ADPRHL1: variants seen among roughly 807,000 people sequenced by gnomAD.
ADPRHL1 encodes the protein ADP-ribosylhydrolase like 1.
A neutral mutation model predicts 44.1 loss-of-function variants in ADPRHL1; 43 were observed. That is an observed-to-expected ratio of 0.98 (90% CI 0.76 to 1.26). ADPRHL1 has a LOEUF of 1.26. Among genes scored for constraint, ADPRHL1 ranks in the 50% most tolerant of loss-of-function variants. ADPRHL1 has a pLI of 0.00. For missense variants in ADPRHL1, 2,022 were observed against 2,496.9 expected (o/e 0.81, Z 4.05); for synonymous variants, 878 against 1,017.4 (o/e 0.86, Z 2.61).
At chr13:113,437,510 G>C (rs1047285703) in intron 2 of ADPRHL1, among the ~76,000 whole-genome samples, 3 of 152,238 alleles carry the variant, frequency 2.0e-5, no homozygotes, top group African/African-American at 7.2e-5. Context: ...CTGCGACCGT[G>C]CGTGTTACTC....
chr13:113,422,882 G>A lies in ADPRHL1; in HGVS notation c.1005C>T (p.Asp335=). 6.2e-7 allele frequency: 1 copy of A among 1,612,962 alleles called. No individual in the cohort carries two copies. Among genetic ancestry groups the A allele is most frequent in the Non-Finnish European group, 8.5e-7 (1 of 1,179,998 alleles). The change falls in exon 7 of 8, where the codon GAC becomes GAT. Residue 335 remains aspartate, a synonymous_variant. Transcript: ENST00000612156. ...CGCCCAGGTCCTCCAGCTTCTCCTT[G>A]TCCTCCAGGTCCTGGTACAAGCCTT... is the stretch of plus-strand genomic sequence containing the variant. ...VPKGLYQDLE[D]KEKLEDLGAA... is the part of the protein sequence containing the mutation.
intron 4 of ADPRHL1, among the ~76,000 whole-genome samples, chr13:113,426,536 G>C (rs898182917): frequency 5.9e-5 from 9 of 152,382 alleles, no homozygotes; most frequent in African/African-American, 2.2e-4. Flanking sequence ...CCAGGCCACA[G>C]GGAGGCCAGG....
Position 113,453,083 on chromosome 13 carries a change from C to A in ADPRHL1, c.214+141G>T, listed in dbSNP as rs1396360531. ...TTTGAGGGACACTCAGATTAAATTG[C>A]CACTTTTAGCAGCGGTATCAGGTAA... On this transcript the variant is annotated intron_variant, in intron 1 of 7. Transcript: ENST00000612156. This position sits in a 1 kb window ranked among gnomAD's most constrained non-coding sequence, Gnocchi z 5.4. 1.0e-5 allele frequency: 9 copies of A among 859,374 alleles called. No homozygotes were observed. The East Asian group carries it at 1.9e-4, about 18-fold the overall frequency. 53.2% of individuals were successfully genotyped at this position (859,374 alleles called of 1,614,324 possible). A position where few individuals can be genotyped will look rare whatever the true frequency, so the allele number is the denominator to read the frequency against.
Position 113,418,832 on chromosome 13 carries a change from A to T in ADPRHL1, c.1061+3994T>A, listed in dbSNP as rs571226554. On this transcript the variant is annotated intron_variant, in intron 7 of 7. Transcript: ENST00000612156. ...TGCCATCTGGGAGTGAGAGGCACTC[A>T]TCCTCCTGCCTGCCCCTTCCTGGTG... 4.6e-5 allele frequency among the ~76,000 whole-genome samples: 7 copies of T among 152,182 alleles called. No individual in the cohort carries two copies. In the East Asian group the frequency reaches 1.4e-3, roughly 29 times the overall value.
At chr13:113,443,382 C>T (rs1267500569) in intron 2 of ADPRHL1, among the ~76,000 whole-genome samples, 3 of 151,162 alleles carry the variant, frequency 2.0e-5, no homozygotes, top group Non-Finnish European at 4.4e-5. Flanking sequence ...CTGAGGTGGG[C>T]AGATCGCTTG....
At chr13:113,436,062 C>T (rs2044052325) in intron 2 of ADPRHL1, among the ~76,000 whole-genome samples, 1 of 151,666 alleles carries the variant, frequency 6.6e-6, no homozygotes, top group Admixed American at 6.6e-5. Flanking sequence ...TACCCTGGGA[C>T]CCAGCACCCA....
chr13:113,411,119 C>T (rs569449876), intron 7 of ADPRHL1, among the ~76,000 whole-genome samples: 11 of 152,316 alleles, frequency 7.2e-5, no homozygotes, highest in African/African-American at 2.4e-4. Flanking sequence ...GTCAATCCGC[C>T]CCTTCCCACA....
rs369861885 is a variant in ADPRHL1 at position 113,422,778 on chromosome 13, C to G, written c.1061+48G>C. 3.7e-4 allele frequency: 598 copies of G among 1,609,176 alleles called. 2 individuals are homozygous for G. In the Middle Eastern group the frequency reaches 5.3e-3, roughly 14 times the overall value. On this transcript the variant is annotated intron_variant, in intron 7 of 7. Coordinates refer to ENST00000612156, the MANE Select transcript of ADPRHL1 (RefSeq NM_001394807.1). Reference sequence around the variant, plus strand: ...GGCTGCGAGAGGGCCCTACGGGCCCCGGGGTGGAATCGGCTCTCTAGGGGG... The same window carrying G: ...GGCTGCGAGAGGGCCCTACGGGCCCGGGGGTGGAATCGGCTCTCTAGGGGG...
rs1252475081 is a variant in ADPRHL1, at chr13:113,441,491, T to C, written c.379+2934A>G. 6.6e-6 allele frequency among the ~76,000 whole-genome samples: 1 copy of C among 152,218 alleles called. No homozygotes were observed. The highest frequency in any genetic ancestry group is 1.5e-5 in the Non-Finnish European group (1 of 68,038). On this transcript the variant is annotated intron_variant, in intron 2 of 7. Transcript: ENST00000612156. The surrounding 1 kb of genome is among the most constrained non-coding windows in gnomAD (Gnocchi z 6.0). ...ACAGCTGTGGGATGACACTGTGGCA[T>C]ACACGGTGTGGGAACCTCACCGTCA... is the stretch of plus-strand genomic sequence containing the variant.
At chr13:113,428,459 T>A (rs2043982641) in intron 4 of ADPRHL1, among the ~76,000 whole-genome samples, 1 of 152,144 alleles carries the variant, frequency 6.6e-6, no homozygotes, top group South Asian at 2.1e-4. Context: ...GCACCTTCCG[T>A]GGGGTGGAAG....
At chr13:113,422,080 C>G (rs1383690039) in intron 7 of ADPRHL1, 1 of 152,248 alleles carries the variant, frequency 6.6e-6, no homozygotes, top group Admixed American at 6.5e-5. Flanking sequence ...AGCGCTTCCT[C>G]GTCAGCGAGC....
Position 113,433,729 on chromosome 13 carries a change from C to T in ADPRHL1, c.505+13G>A, listed in dbSNP as rs1387517967. On this transcript the variant is annotated intron_variant, in intron 3 of 7. Coordinates refer to ENST00000612156, the MANE Select transcript of ADPRHL1 (RefSeq NM_001394807.1). ...CCACGCTGACCTCCCTCCCACCCCC[C>T]GCCCACACTTACCTGTGGGATGGTT... is the stretch of plus-strand genomic sequence containing the variant. 2.0e-5 allele frequency: 32 copies of T among 1,582,082 alleles called. No homozygotes were observed. Among genetic ancestry groups the T allele is most frequent in the Non-Finnish European group, 2.6e-5 (30 of 1,167,658 alleles).
chr13:113,452,659 T>C (rs9603839), intron 1 of ADPRHL1, among the ~76,000 whole-genome samples: 36,812 of 152,066 alleles, frequency 0.24, 5,461 homozygotes, highest in African/African-American at 0.41. Flanking sequence ...GTCATTTTCT[T>C]AGAACACATT....
Position 113,441,240 on chromosome 13 carries a change from T to C in ADPRHL1, c.379+3185A>G, listed in dbSNP as rs2044096175. On this transcript the variant is annotated intron_variant, in intron 2 of 7. Transcript: ENST00000612156. This position sits in a 1 kb window ranked among gnomAD's most constrained non-coding sequence, Gnocchi z 6.0. ...CTAATGTGACAACTTCTGACTGTTA[T>C]TGGGGGTCTTCACACCATTCGCATT... Among the ~76,000 whole-genome samples, 1 of 152,216 alleles carries C rather than the reference T, an allele frequency of 6.6e-6. No homozygotes were observed. Among genetic ancestry groups the C allele is most frequent in the Non-Finnish European group, 1.5e-5 (1 of 68,032 alleles).
Position 113,403,887 on chromosome 13 carries a change from G to A in ADPRHL1, c.5395C>T (p.Arg1799Trp), listed in dbSNP as rs2043783133. ...TGTTCCCGACCCTGTTCCCAAGCCCGTTCCTGAGCCCCTTTCTGGGTCTGC... is the reference window on the plus strand; with the variant it reads ...TGTTCCCGACCCTGTTCCCAAGCCCATTCCTGAGCCCCTTTCTGGGTCTGC... The part of the protein sequence containing the change: ...QRQTQKGAQE[R>W]AWEQGREQAL... Residue 1799 changes from arginine to tryptophan, a missense_variant, in exon 8 of 8, where the codon CGG becomes TGG. Coordinates refer to ENST00000612156, the MANE Select transcript of ADPRHL1 (RefSeq NM_001394807.1). 2.4e-6 allele frequency: 3 copies of A among 1,265,872 alleles called. No homozygotes were observed. Among genetic ancestry groups the A allele is most frequent in the Admixed American group, 4.1e-5 (1 of 24,446 alleles). 78.4% of individuals were successfully genotyped at this position (1,265,872 alleles called of 1,614,324 possible). A position where few individuals can be genotyped will look rare whatever the true frequency, so the allele number is the denominator to read the frequency against.
chr13:113,411,590 A>G (rs1397063598), intron 7 of ADPRHL1, among the ~76,000 whole-genome samples: 2 of 152,072 alleles, frequency 1.3e-5, no homozygotes, highest in Non-Finnish European at 2.9e-5. Context: ...GCCGGCTTTC[A>G]CCCCGCAGCG....
chr13:113,422,618 G>T, intron 7 of ADPRHL1: 2 of 686,302 alleles, frequency 2.9e-6, no homozygotes, highest in Non-Finnish European at 4.7e-6. Context: ...GATGGTGGAG[G>T]ACGGAAAATA....
chr13:113,412,727 A>G (rs971426954), intron 7 of ADPRHL1, among the ~76,000 whole-genome samples: 14 of 146,812 alleles, frequency 9.5e-5, no homozygotes, highest in Middle Eastern at 3.5e-3. Flanking sequence ...CAGTTCACCC[A>G]CCGCCAACAG....
At chr13:113,444,611 G>T (rs1480063177) in intron 1 of ADPRHL1, 22 bp from the exon 2 acceptor site, 2 of 1,610,648 alleles carry the variant, frequency 1.2e-6, no homozygotes, top group Admixed American at 3.3e-5. Context: ...AGGGAGGGCA[G>T]ACATCAGAGC....
Sources: allele counts gnomAD v4.1 joint callset (sites outside exome capture counted in the v4.1 genomes callset), GRCh38; gene constraint gnomAD v4.1.1; non-coding constraint Gnocchi (gnomAD v3.1); transcripts MANE v1.5; gene names NCBI Gene and HGNC (gene_info 2026-07-23, HGNC 2026-07-21).